The following RRP15 variants were observed in gnomAD, a reference collection of about 807,000 sequenced individuals.
RRP15 encodes the protein RRP15-like protein.
In RRP15, 18 loss-of-function variants were observed where a neutral mutation model predicts 27.1. The observed-to-expected ratio is 0.66, with a 90% CI of 0.46 to 0.98. The LOEUF (loss-of-function observed/expected upper bound fraction) is 0.98, where lower values mean the gene tolerates loss of function less well. Ranked by LOEUF, RRP15 falls within the 50% of genes least tolerant of loss-of-function variation. The pLI is 0.00. For synonymous variants in RRP15, 107 were observed against 109.4 expected, an observed-to-expected ratio of 0.98 and a Z score of 0.14; for missense variants, 359 against 337.8, an observed-to-expected ratio of 1.06 and a Z score of -0.49.
In RRP15 at chr1:218,333,024, T is replaced by G. The variant is rs1656398223; in HGVS notation, c.*1933T>G. 1 of 152,198 alleles carries G rather than the reference T, an allele frequency of 6.6e-6. No homozygotes were observed. The highest frequency in any genetic ancestry group is 1.5e-5 in the Non-Finnish European group (1 of 68,022). 9.4% of individuals were successfully genotyped at this position (152,198 alleles called of 1,614,324 possible). A position where few individuals can be genotyped will look rare whatever the true frequency, so the allele number is the denominator to read the frequency against. On this transcript the variant is annotated 3_prime_UTR_variant, in exon 5 of 5. Transcript: ENST00000366932. Reference sequence around the variant, plus strand: ...CACATGATAGATACGGATAAATACCTTATTTACTAAAATGTTTTGAAACAT... The same window carrying G: ...CACATGATAGATACGGATAAATACCGTATTTACTAAAATGTTTTGAAACAT...
intron 4 of RRP15, among the ~76,000 whole-genome samples, chr1:218,326,914 G>A (rs1427750763): frequency 2.0e-5 from 3 of 152,134 alleles, no homozygotes; most frequent in Non-Finnish European, 4.4e-5. Flanking sequence ...TTTTATTTTG[G>A]TTCTTCCACT....
At chr1:218,299,745 GT>G (rs1406986305) in intron 1 of RRP15, among the ~76,000 whole-genome samples, 1 of 152,052 alleles carries the variant, frequency 6.6e-6, no homozygotes, top group Non-Finnish European at 1.5e-5. Context: ...TCTAAGAATT[GT>G]TTATTTTGTT....
intron 1 of RRP15, among the ~76,000 whole-genome samples, chr1:218,300,786 G>A (rs1383159742): frequency 6.6e-6 from 1 of 152,168 alleles, no homozygotes; most frequent in Non-Finnish European, 1.5e-5. Flanking sequence ...AGCGGTTATG[G>A]TTCTGATGCT....
At position 218,317,919 on chromosome 1, in the gene RRP15, A is replaced by G. The variant is rs547250736; in HGVS notation, c.705+10287A>G. On this transcript the variant is annotated intron_variant, in intron 4 of 4. Transcript: ENST00000366932. ...GTTGATTTAAAATTTTTTTTTCTAGAGATGGGGGTCTCATCATGTTGCCCA... is the reference window on the plus strand; with the variant it reads ...GTTGATTTAAAATTTTTTTTTCTAGGGATGGGGGTCTCATCATGTTGCCCA... 1.0e-3 allele frequency among the ~76,000 whole-genome samples: 156 copies of G among 151,592 alleles called. 1 individual carries two copies. Among genetic ancestry groups the G allele is most frequent in the African/African-American group, 2.4e-3 (101 of 41,338 alleles).
At chr1:218,285,637 T>C (rs994930529) in intron 1 of RRP15, among the ~76,000 whole-genome samples, 182 bp downstream of exon 1, 1 of 152,098 alleles carries the variant, frequency 6.6e-6, no homozygotes, top group Non-Finnish European at 1.5e-5. Context: ...AGTAACGCTG[T>C]CAACTGTAAT....
chr1:218,330,921 A>G, intron 4 of RRP15, 27 bp from the exon 5 acceptor site: 1 of 1,601,612 alleles, frequency 6.2e-7, no homozygotes, highest in Non-Finnish European at 8.5e-7. Context: ...TGACTTTTGA[A>G]TATTTTGATT....
chr1:218,316,010 T>C (rs1656085117), intron 4 of RRP15, among the ~76,000 whole-genome samples: 1 of 152,208 alleles, frequency 6.6e-6, no homozygotes. Context: ...TTATACATAT[T>C]ACTGTTGATG....
rs79573434 is a variant in RRP15 at position 218,310,015 on chromosome 1, G to T, written c.705+2383G>T. 7.9e-5 allele frequency among the ~76,000 whole-genome samples: 12 copies of T among 152,266 alleles called. No individual in the cohort carries two copies. In the East Asian group the frequency reaches 2.1e-3, roughly 27 times the overall value. ...TAGGTGAACTTTTAAGGTAGATCAA[G>T]GGAAGGCAGGGTGGCAAAGGTGAGC... On this transcript the variant is annotated intron_variant, in intron 4 of 4. Transcript: ENST00000366932.
chr1:218,306,920 T>C (rs1288489116), intron 3 of RRP15, among the ~76,000 whole-genome samples: 1 of 152,228 alleles, frequency 6.6e-6, no homozygotes. Flanking sequence ...CAGTCACATT[T>C]CAAGTGCTCA....
intron 3 of RRP15, among the ~76,000 whole-genome samples, chr1:218,306,130 G>C (rs1375716105): frequency 6.6e-6 from 1 of 152,140 alleles, no homozygotes; most frequent in Non-Finnish European, 1.5e-5. Flanking sequence ...CTACTGTGAA[G>C]GGTCTGGAAT....
rs923678201 is a variant in RRP15, at chr1:218,337,659, T to C, written c.*6568T>C. Reference sequence around the variant, plus strand: ...GACTTTTTTTTAAAGAATGTAATTTTTGACAGTCTGAAAAGACAGGCCTTA... The same window carrying C: ...GACTTTTTTTTAAAGAATGTAATTTCTGACAGTCTGAAAAGACAGGCCTTA... On this transcript the variant is annotated 3_prime_UTR_variant, in exon 5 of 5. Coordinates refer to ENST00000366932, the MANE Select transcript of RRP15 (RefSeq NM_016052.4). 11 of 152,198 alleles carry C rather than the reference T, an allele frequency of 7.2e-5. No homozygotes were observed. The highest frequency in any genetic ancestry group is 2.7e-4 in the African/African-American group (11 of 41,454). The allele number at this position is 152,198 out of a possible 1,614,324, so 9.4% of individuals were successfully genotyped here. A position where few individuals can be genotyped will look rare whatever the true frequency, so the allele number is the denominator to read the frequency against.
chr1:218,295,439 G>A (rs1039991966), intron 1 of RRP15, among the ~76,000 whole-genome samples: 2 of 152,042 alleles, frequency 1.3e-5, no homozygotes, highest in African/African-American at 4.8e-5. Context: ...AAAACAATAA[G>A]GAATATCATT....
At chr1:218,292,775 G>A (rs1180389007) in intron 1 of RRP15, among the ~76,000 whole-genome samples, 2 of 152,172 alleles carry the variant, frequency 1.3e-5, no homozygotes, top group African/African-American at 2.4e-5. Context: ...TTCCCTAGAC[G>A]ACTAGGGTCA....
At chr1:218,321,729 C>A (rs1656190655) in intron 4 of RRP15, among the ~76,000 whole-genome samples, 2 of 151,988 alleles carry the variant, frequency 1.3e-5, no homozygotes, top group Non-Finnish European at 2.9e-5. Context: ...AACAAAAAAC[C>A]CTTCATTCTC....
At chr1:218,303,231 T>A (rs1324032970) in intron 2 of RRP15, among the ~76,000 whole-genome samples, 1 of 152,214 alleles carries the variant, frequency 6.6e-6, no homozygotes, top group Non-Finnish European at 1.5e-5. Flanking sequence ...TTAAGCATGT[T>A]TTTTAATTAA....
chr1:218,322,887 G>A (rs531177005), intron 4 of RRP15, among the ~76,000 whole-genome samples: 38 of 152,292 alleles, frequency 2.5e-4, no homozygotes, highest in African/African-American at 9.1e-4. Context: ...CCTGCCAAGA[G>A]CGAGGGATGT....
At chr1:218,315,249 A>G (rs1459251214) in intron 4 of RRP15, among the ~76,000 whole-genome samples, 1 of 152,148 alleles carries the variant, frequency 6.6e-6, no homozygotes, top group Non-Finnish European at 1.5e-5. Context: ...CTTTTGAAAT[A>G]CCTGGCTTCT....
chr1:218,308,142 G>A (rs900519775), intron 4 of RRP15, among the ~76,000 whole-genome samples: 1 of 140,280 alleles, frequency 7.1e-6, no homozygotes, highest in East Asian at 2.1e-4. Flanking sequence ...CGCGATCTCG[G>A]CTCACTGAAA....
intron 1 of RRP15, among the ~76,000 whole-genome samples, chr1:218,288,377 A>T (rs1655583686): frequency 6.6e-6 from 1 of 152,202 alleles, no homozygotes; most frequent in Admixed American, 6.5e-5. Context: ...ACACTGTTAG[A>T]GGAATTGGAT....
Sources: gnomAD v4.1 joint callset for allele counts (sites outside exome capture counted in the v4.1 genomes callset) on GRCh38, gnomAD v4.1.1 for gene constraint, MANE v1.5 for transcripts, NCBI Gene and HGNC (gene_info 2026-07-23, HGNC 2026-07-21) for gene names.